The following EXOC2 variants were observed in gnomAD, a reference collection of about 807,000 sequenced individuals.
The protein encoded by EXOC2 is SEC5-like 1.
EXOC2 carries 70 observed loss-of-function variants against 131.8 expected under a neutral mutation model. The observed-to-expected ratio is 0.53, with a 90% CI of 0.44 to 0.65. The LOEUF is 0.65. Ranked by LOEUF, EXOC2 falls within the 30% of genes least tolerant of loss-of-function variation. The pLI is 0.00. For missense variants in EXOC2, 923 were observed against 1,108.6 expected (o/e 0.83, Z 2.38); for synonymous variants, 411 against 398.4 (o/e 1.03, Z -0.38).
chr6:617,593 T>A lies in EXOC2; in HGVS notation c.661+118A>T, dbSNP rs373165409. The A allele has an allele frequency of 2.3e-5, 30 of 1,324,600 alleles. 1 individual carries two copies. The highest frequency in any genetic ancestry group is 1.0e-4 in the East Asian group (4 of 40,040). The allele number at this position is 1,324,600 out of a possible 1,614,324, so 82.1% of individuals were successfully genotyped here. A position where few individuals can be genotyped will look rare whatever the true frequency, so the allele number is the denominator to read the frequency against. On this transcript the variant is annotated intron_variant, in intron 6 of 27. Transcript: ENST00000230449. ...CTCTGCAACAAATATTTATAGCACA[T>A]TTGAGATCTCTACTTTGATAAAAAC...
intron 6 of EXOC2, among the ~76,000 whole-genome samples, chr6:615,322 T>A (rs1241771093): frequency 1.3e-5 from 2 of 152,086 alleles, no homozygotes; most frequent in Non-Finnish European, 2.9e-5. Context: ...CAGACACGAA[T>A]GCACTCCTGC....
In EXOC2 at chr6:682,366, AT is replaced by A. The variant is rs368757437; in HGVS notation, c.-44+10652del. On this transcript the variant is annotated intron_variant, in intron 1 of 27. Coordinates refer to ENST00000230449, the MANE Select transcript of EXOC2 (RefSeq NM_018303.6). ...AGGCAACCACTACCACGCCCGGCTA[AT>A]TTTTTTGTATTTTTAGTAGAGACAG... Among the ~76,000 whole-genome samples, 197 of 151,592 alleles carry A rather than the reference AT, an allele frequency of 1.3e-3. 4 individuals carry two copies. The East Asian group carries it at 0.033, about 25-fold the overall frequency.
chr6:522,696 G>C (rs1180128153), intron 23 of EXOC2, among the ~76,000 whole-genome samples: 1 of 150,888 alleles, frequency 6.6e-6, no homozygotes, highest in Non-Finnish European at 1.5e-5. Context: ...GGAGCATTGA[G>C]CTGGGCTGGG....
At chr6:572,458 A>T (rs923198113) in intron 13 of EXOC2, 62 bp downstream of exon 13, 2 of 1,540,752 alleles carry the variant, frequency 1.3e-6, no homozygotes, top group Non-Finnish European at 1.7e-6. Context: ...TAAATCTAAC[A>T]TTTTAAAGAC....
chr6:497,418 G>A lies in EXOC2; in HGVS notation c.2508C>T (p.Leu836=), dbSNP rs752351493. Residue 836 remains leucine (L), a synonymous_variant, in exon 25 of 28, where the codon CTC becomes CTT. Coordinates refer to ENST00000230449, the MANE Select transcript of EXOC2 (RefSeq NM_018303.6). Reference sequence around the variant, plus strand: ...ATGAAACACACTGCATCAGTCGACTGAGCTCTTCAGAAACTGCTTCTATCA... The same window carrying A: ...ATGAAACACACTGCATCAGTCGACTAAGCTCTTCAGAAACTGCTTCTATCA... ...SKVIEAVSEE[L]SRLMQCVSSF... The A allele has an allele frequency of 6.2e-6, 10 of 1,613,936 alleles. No homozygotes were observed. In the Admixed American group the frequency reaches 1.0e-4, roughly 16 times the overall value.
intron 11 of EXOC2, among the ~76,000 whole-genome samples, chr6:582,860 T>C (rs1036338014): frequency 3.3e-5 from 5 of 152,150 alleles, no homozygotes; most frequent in South Asian, 2.1e-4. Context: ...AAGAAGCCCC[T>C]GTTAACTCAC....
At chr6:672,001 C>G (rs1284086134) in intron 1 of EXOC2, among the ~76,000 whole-genome samples, 1 of 152,194 alleles carries the variant, frequency 6.6e-6, no homozygotes, top group Non-Finnish European at 1.5e-5. Flanking sequence ...AAAAAACTCT[C>G]AGCCATTATT....
intron 14 of EXOC2, 46 bp from the exon 15 acceptor site, chr6:564,748 C>T (rs1456506637): frequency 2.4e-5 from 38 of 1,571,864 alleles, no homozygotes; most frequent in East Asian, 1.1e-4. Context: ...TGTGATTAAT[C>T]GGGTTACATT....
intron 6 of EXOC2, among the ~76,000 whole-genome samples, chr6:613,566 T>G (rs1245205318): frequency 6.6e-6 from 1 of 152,220 alleles, no homozygotes; most frequent in African/African-American, 2.4e-5. Context: ...TTTCCAATGT[T>G]TCCATAACCA....
At chr6:648,904 TTTTTTA>T (rs1387952807) in intron 1 of EXOC2, among the ~76,000 whole-genome samples, 1 of 151,840 alleles carries the variant, frequency 6.6e-6, no homozygotes, top group African/African-American at 2.4e-5. Context: ...GTTATATTTT[TTTTTTA>T]ATAGAGACAG....
chr6:674,169 A>C (rs962179264), intron 1 of EXOC2, among the ~76,000 whole-genome samples: 2 of 152,240 alleles, frequency 1.3e-5, no homozygotes, highest in African/African-American at 4.8e-5. Flanking sequence ...GCAATTAGCC[A>C]AATTTGAATC....
intron 10 of EXOC2, among the ~76,000 whole-genome samples, chr6:596,014 G>A (rs1042596718): frequency 2.6e-5 from 4 of 152,110 alleles, no homozygotes; most frequent in Non-Finnish European, 5.9e-5. Flanking sequence ...CCCGTCCCCC[G>A]GGTCACTGTG....
intron 1 of EXOC2, among the ~76,000 whole-genome samples, chr6:659,911 G>C (rs1763336273): frequency 6.6e-6 from 1 of 151,370 alleles, no homozygotes; most frequent in Non-Finnish European, 1.5e-5. Context: ...CACAGGCGGG[G>C]ACAGAACCCA....
chr6:668,633 A>G (rs1282652276), intron 1 of EXOC2, among the ~76,000 whole-genome samples: 1 of 152,152 alleles, frequency 6.6e-6, no homozygotes, highest in Non-Finnish European at 1.5e-5. Context: ...CCCCATGTAT[A>G]CTTATCTCTA....
At chr6:631,341 C>T (rs1328307216) in intron 3 of EXOC2, among the ~76,000 whole-genome samples, 1 of 152,090 alleles carries the variant, frequency 6.6e-6, no homozygotes, top group East Asian at 1.9e-4. Flanking sequence ...AGTTCGAGAC[C>T]AGCCTGACCA....
chr6:548,210 C>G (rs1156384974), intron 22 of EXOC2, among the ~76,000 whole-genome samples: 1 of 151,908 alleles, frequency 6.6e-6, no homozygotes, highest in African/African-American at 2.4e-5. Context: ...TACAAAAAGG[C>G]AGGAAAACAA....
intron 23 of EXOC2, among the ~76,000 whole-genome samples, chr6:505,501 C>T: frequency 6.6e-6 from 1 of 152,182 alleles, no homozygotes; most frequent in Admixed American, 6.5e-5. Flanking sequence ...ACAGAGACAA[C>T]ATTTAAGTGG....
intron 6 of EXOC2, among the ~76,000 whole-genome samples, chr6:614,828 T>C (rs1456494620): frequency 6.6e-6 from 1 of 152,142 alleles, no homozygotes; most frequent in East Asian, 1.9e-4. Context: ...TTTTTAATTT[T>C]TGGCATACTT....
rs148466151 is a variant in EXOC2, at chr6:637,678, C to G, written c.118+23G>C. ...ACATAAAAATCCGATTAGCAGGGTG[C>G]GTCGCAGGGCCTCTGCCCTTACCTA... On this transcript the variant is annotated intron_variant, in intron 2 of 27. Coordinates refer to ENST00000230449, the MANE Select transcript of EXOC2 (RefSeq NM_018303.6). 4.5e-6 allele frequency: 7 copies of G among 1,564,252 alleles called. No homozygotes were observed. The South Asian group carries it at 5.8e-5, about 13-fold the overall frequency.
Sources: gnomAD v4.1 joint callset for allele counts (sites outside exome capture counted in the v4.1 genomes callset) on GRCh38, gnomAD v4.1.1 for gene constraint, MANE v1.5 for transcripts, NCBI Gene and HGNC (gene_info 2026-07-23, HGNC 2026-07-21) for gene names.